The following CSMD1 variants were observed in gnomAD, a reference collection of about 807,000 sequenced individuals.
CSMD1 encodes CUB and sushi domain-containing protein 1.
CSMD1 carries 213 observed loss-of-function variants against 417.5 expected under a neutral mutation model. The ratio of observed to expected loss-of-function variants is 0.51; its 90% CI spans 0.46 to 0.57. CSMD1 has a LOEUF of 0.57. CSMD1 is among the 20% of genes least tolerant of loss of function. The pLI is 0.00. For missense variants in CSMD1, 6,923 were observed against 4,529.7 expected (o/e 1.53, Z -15.17); for synonymous variants, 2,862 against 1,736.8 (o/e 1.65, Z -16.11).
intron 3 of CSMD1, among the ~76,000 whole-genome samples, chr8:4,106,183 G>A (rs1474548344): frequency 6.6e-6 from 1 of 152,142 alleles, no homozygotes; most frequent in Non-Finnish European, 1.5e-5. Flanking sequence ...GTGCCTGATG[G>A]ACACCCGGAG....
At chr8:3,315,037 G>C (rs565812514) in intron 23 of CSMD1, among the ~76,000 whole-genome samples, 94 of 152,214 alleles carry the variant, frequency 6.2e-4, no homozygotes, top group Non-Finnish European at 1.2e-3. Flanking sequence ...TTTCTCATGA[G>C]CAACTGAAAA....
At chr8:4,076,119 A>T (rs969411540) in intron 3 of CSMD1, among the ~76,000 whole-genome samples, 3 of 152,080 alleles carry the variant, frequency 2.0e-5, no homozygotes, top group African/African-American at 7.2e-5. Flanking sequence ...GTGTCATGGG[A>T]GGGACCCTGT....
intron 2 of CSMD1, among the ~76,000 whole-genome samples, chr8:4,534,149 C>T (rs570119464): frequency 2.5e-4 from 38 of 152,258 alleles, no homozygotes; most frequent in African/African-American, 8.2e-4. Flanking sequence ...AACTTTTGAG[C>T]TGATATCATC....
chr8:3,987,479 G>A (rs930859360), intron 5 of CSMD1, among the ~76,000 whole-genome samples: 1 of 152,188 alleles, frequency 6.6e-6, no homozygotes, highest in Non-Finnish European at 1.5e-5. Context: ...CCAGCTAGAT[G>A]AGTATCTTTA....
rs1278058349 is a variant in CSMD1, at chr8:4,358,279, C to T, written c.415+61674G>A. Among the ~76,000 whole-genome samples, 7 of 152,138 alleles carry T rather than the reference C, an allele frequency of 4.6e-5. 1 individual carries two copies. The highest frequency in any genetic ancestry group is 4.1e-4 in the South Asian group (2 of 4,824). ...TTTTGCTTTACCAGTGGGTGTGGAG[C>T]GCGGCCATGGGCCAGATCCAGCTGG... On this transcript the variant is annotated intron_variant, in intron 3 of 69. Transcript: ENST00000635120.
chr8:3,548,611 T>C (rs1225179479), intron 10 of CSMD1, among the ~76,000 whole-genome samples: 1 of 151,254 alleles, frequency 6.6e-6, no homozygotes, highest in Non-Finnish European at 1.5e-5. Context: ...CAGGTTGCTA[T>C]GAATGCCATT....
intron 8 of CSMD1, among the ~76,000 whole-genome samples, chr8:3,591,432 A>T (rs1800839592): frequency 6.6e-6 from 1 of 152,210 alleles, no homozygotes; most frequent in Non-Finnish European, 1.5e-5. Flanking sequence ...ATTTCTAAAT[A>T]TGGTTCTCAT....
At chr8:4,096,963 C>G (rs540380899) in intron 3 of CSMD1, among the ~76,000 whole-genome samples, 1 of 152,106 alleles carries the variant, frequency 6.6e-6, no homozygotes, top group Non-Finnish European at 1.5e-5. Flanking sequence ...GATGTGTGAG[C>G]CAGTGAGTAA....
chr8:4,265,697 G>A (rs899484356), intron 3 of CSMD1, among the ~76,000 whole-genome samples: 1 of 104,570 alleles, frequency 9.6e-6, no homozygotes, highest in African/African-American at 2.6e-5. Flanking sequence ...AGTATTATTT[G>A]ACATGTTACG....
At chr8:3,205,676 G>C (rs191286257) in intron 30 of CSMD1, 56 bp from the exon 31 acceptor site, 135 of 795,540 alleles carry the variant, frequency 1.7e-4, no homozygotes, top group African/African-American at 2.4e-4. Flanking sequence ...GCAGGTGATA[G>C]GTGAGCCAAA....
At chr8:4,171,251 C>A (rs1414348550) in intron 3 of CSMD1, among the ~76,000 whole-genome samples, 1 of 151,942 alleles carries the variant, frequency 6.6e-6, no homozygotes, top group South Asian at 2.1e-4. Flanking sequence ...CTTGTCCATG[C>A]AGTTTTCCTA....
At chr8:4,850,857 T>A (rs953844696) in intron 1 of CSMD1, among the ~76,000 whole-genome samples, 7 of 152,264 alleles carry the variant, frequency 4.6e-5, no homozygotes, top group African/African-American at 1.4e-4. Context: ...TAAAGTATGT[T>A]TAGTCCTCAT....
At chr8:4,759,031 C>G (rs141343600) in intron 1 of CSMD1, among the ~76,000 whole-genome samples, 2 of 152,078 alleles carry the variant, frequency 1.3e-5, no homozygotes, top group African/African-American at 4.8e-5. Flanking sequence ...GAAACAGATG[C>G]GGAGATGGAG....
At chr8:4,386,887 T>C (rs76957146) in intron 3 of CSMD1, among the ~76,000 whole-genome samples, 49 of 152,316 alleles carry the variant, frequency 3.2e-4, no homozygotes, top group Non-Finnish European at 5.0e-4. Flanking sequence ...GAAAAAGGTA[T>C]AGTATCATGA....
chr8:4,711,661 T>C (rs575660908), intron 1 of CSMD1, among the ~76,000 whole-genome samples: 3 of 43,436 alleles, frequency 6.9e-5, no homozygotes, highest in African/African-American at 4.3e-4. Context: ...TTCTTTACTG[T>C]AGGTAAATTT....
In CSMD1 at chr8:4,721,869, T is replaced by G. The variant is rs558351589; in HGVS notation, c.86-84311A>C. Among the ~76,000 whole-genome samples the G allele has an allele frequency of 2.0e-5, 3 of 152,194 alleles. No individual in the cohort carries two copies. The East Asian group carries it at 5.8e-4, about 29-fold the overall frequency. On this transcript the variant is annotated intron_variant, in intron 1 of 69. Transcript: ENST00000635120. ...TTACAAAAGGAGATACTGTCATTTG[T>G]GAAAACATGGATGAAACTGAAGGGC...
intron 5 of CSMD1, among the ~76,000 whole-genome samples, chr8:3,777,724 G>T (rs1022358248): frequency 2.6e-5 from 4 of 152,128 alleles, no homozygotes; most frequent in Non-Finnish European, 5.9e-5. Flanking sequence ...CAGAGTCTCA[G>T]GCCACACTCC....
At chr8:4,674,419 T>C (rs1206344646) in intron 1 of CSMD1, among the ~76,000 whole-genome samples, 1 of 151,808 alleles carries the variant, frequency 6.6e-6, no homozygotes, top group African/African-American at 2.4e-5. Context: ...TGGAAACAGG[T>C]AGGGTGATGC....
At chr8:4,190,182 C>T (rs1353073399) in intron 3 of CSMD1, among the ~76,000 whole-genome samples, 1 of 147,784 alleles carries the variant, frequency 6.8e-6, no homozygotes, top group Non-Finnish European at 1.5e-5. Context: ...TGGCGTGAAC[C>T]TGGGAGGTGG....
Sources: allele counts gnomAD v4.1 joint callset (sites outside exome capture counted in the v4.1 genomes callset), GRCh38; gene constraint gnomAD v4.1.1; transcripts MANE v1.5; gene names NCBI Gene and HGNC (gene_info 2026-07-23, HGNC 2026-07-21).